Variants in SOX5 observed in about 807,000 individuals in gnomAD.
SOX5 encodes SRY-box transcription factor 5.
In SOX5, 9 loss-of-function variants were observed where a neutral mutation model predicts 92.0. That is an observed-to-expected ratio of 0.10 (90% CI 0.06 to 0.17). SOX5 has a LOEUF of 0.17. Ranked by LOEUF, SOX5 falls within the 10% of genes least tolerant of loss-of-function variation. The pLI, the probability that SOX5 is intolerant of heterozygous loss-of-function variation, is 1.00. For synonymous variants in SOX5, 344 were observed against 336.3 expected, an observed-to-expected ratio of 1.02 and a Z score of -0.25; for missense variants, 642 against 944.5, an observed-to-expected ratio of 0.68 and a Z score of 4.20.
chr12:23,823,707 T>A (rs2096172402), intron 3 of SOX5, among the ~76,000 whole-genome samples: 1 of 152,212 alleles, frequency 6.6e-6, no homozygotes, highest in Non-Finnish European at 1.5e-5. Flanking sequence ...TCCTGAAATG[T>A]GTTTTTCAAT....
intron 4 of SOX5, among the ~76,000 whole-genome samples, chr12:24,068,704 G>GTGTATATATATA (rs1444359956): frequency 8.1e-5 from 6 of 74,324 alleles, no homozygotes; most frequent in Non-Finnish European, 9.7e-5. Context: ...GTGTGTGTGT[G>GTGTATATATATA]TATATATATA....
At chr12:24,406,303 G>C (rs375355004) in intron 1 of SOX5, among the ~76,000 whole-genome samples, 1 of 152,134 alleles carries the variant, frequency 6.6e-6, no homozygotes, top group Admixed American at 6.6e-5. Flanking sequence ...GAGAAGCCCT[G>C]CCCAAGTCAG....
chr12:24,095,120 C>CAG (rs1442826677), intron 4 of SOX5, among the ~76,000 whole-genome samples: 42 of 102,156 alleles, frequency 4.1e-4, no homozygotes, highest in East Asian at 2.3e-3. Context: ...CACACACACA[C>CAG]ACACACACAG....
intron 3 of SOX5, among the ~76,000 whole-genome samples, chr12:23,824,409 T>C (rs895826200): frequency 1.3e-5 from 2 of 152,152 alleles, no homozygotes; most frequent in Non-Finnish European, 2.9e-5. Context: ...TTGCTGGGGG[T>C]CCACTCCAGA....
rs114604122 is a variant in SOX5 at position 24,096,082 on chromosome 12, T to C, written c.-2+117261A>G. On this transcript the variant is annotated intron_variant, in intron 4 of 4. Transcript: ENST00000446891. The stretch of plus-strand genomic sequence containing the variant: ...TGTGCTCATTTTTACTATTAACTTT[T>C]ACTTTTTGTTTTTTCATTCATCATG... Among the ~76,000 whole-genome samples the C allele has an allele frequency of 3.2e-3, 485 of 152,278 alleles. 1 individual carries two copies. The highest frequency in any genetic ancestry group is 0.011 in the African/African-American group (475 of 41,518).
chr12:23,759,684 G>A (rs1321612763), intron 3 of SOX5, among the ~76,000 whole-genome samples: 1 of 152,066 alleles, frequency 6.6e-6, no homozygotes, highest in African/African-American at 2.4e-5. Flanking sequence ...GGACCAAATG[G>A]CAGAAGCCCA....
intron 2 of SOX5, among the ~76,000 whole-genome samples, chr12:24,366,900 AAGAC>A (rs1483467737): frequency 2.0e-5 from 3 of 152,280 alleles, no homozygotes; most frequent in African/African-American, 4.8e-5. Flanking sequence ...AGTGGAGAAA[AAGAC>A]AGAGAGAAAG....
chr12:23,860,260 T>C (rs2096740040), intron 2 of SOX5, among the ~76,000 whole-genome samples: 1 of 151,452 alleles, frequency 6.6e-6, no homozygotes, highest in Admixed American at 6.6e-5. Flanking sequence ...TGTGTTTATC[T>C]GTGTAACAAA....
At chr12:24,277,172 T>A (rs1218181044) in intron 3 of SOX5, 1 of 151,846 alleles carries the variant, frequency 6.6e-6, no homozygotes, top group East Asian at 1.9e-4. Flanking sequence ...AATAGAATAG[T>A]TATCAATTTT....
chr12:24,311,741 G>A (rs994089215), intron 2 of SOX5, among the ~76,000 whole-genome samples: 2 of 152,130 alleles, frequency 1.3e-5, no homozygotes, highest in Admixed American at 6.6e-5. Flanking sequence ...AAGCTGAAAA[G>A]GTTCCCATCA....
intron 4 of SOX5, among the ~76,000 whole-genome samples, chr12:24,111,042 G>A (rs1176609694): frequency 6.6e-6 from 1 of 151,848 alleles, no homozygotes; most frequent in African/African-American, 2.4e-5. Flanking sequence ...TACTGTGGGA[G>A]ACTGTGATAT....
At chr12:23,611,363 TGTGTGC>T (rs1405216014) in intron 8 of SOX5, among the ~76,000 whole-genome samples, 2 of 127,940 alleles carry the variant, frequency 1.6e-5, no homozygotes, top group Non-Finnish European at 3.4e-5. Flanking sequence ...CGTGTGTGTG[TGTGTGC>T]GTGTGTGTGT....
chr12:23,578,039 T>C (rs949616138), intron 9 of SOX5, among the ~76,000 whole-genome samples: 3 of 136,168 alleles, frequency 2.2e-5, no homozygotes, highest in Non-Finnish European at 3.0e-5. Context: ...GAGAATCACC[T>C]GAACCCGGGA....
chr12:24,028,714 A>T (rs1229199759), intron 4 of SOX5, among the ~76,000 whole-genome samples: 2 of 152,032 alleles, frequency 1.3e-5, no homozygotes, highest in Admixed American at 1.3e-4. Flanking sequence ...AGAGCCTTAA[A>T]TGAATAATAA....
intron 4 of SOX5, among the ~76,000 whole-genome samples, chr12:24,148,297 C>A (rs1276143273): frequency 6.6e-6 from 1 of 151,812 alleles, no homozygotes; most frequent in African/African-American, 2.4e-5. Flanking sequence ...GAGTTCAATA[C>A]CAGCCTGAAC....
At chr12:23,809,743 C>G (rs1305189810) in intron 3 of SOX5, among the ~76,000 whole-genome samples, 3 of 142,240 alleles carry the variant, frequency 2.1e-5, no homozygotes, top group Non-Finnish European at 1.5e-5. Flanking sequence ...ATGGTTACAT[C>G]AGTGACAAAT....
At chr12:24,285,746 C>T (rs1945792280) in intron 2 of SOX5, among the ~76,000 whole-genome samples, 1 of 152,118 alleles carries the variant, frequency 6.6e-6, no homozygotes, top group Non-Finnish European at 1.5e-5. Context: ...GGAATAAACA[C>T]ACACACATCA....
rs1023542706 is a variant in SOX5, at chr12:23,743,457, A to C, written c.569-2418T>G. Among the ~76,000 whole-genome samples the C allele has an allele frequency of 7.9e-5, 12 of 151,992 alleles. No homozygotes were observed. In the East Asian group the frequency reaches 2.3e-3, roughly 29 times the overall value. ...CCTGAGTAGCTGGGATTACAGGCGC[A>C]TGCCACCATGCCTGGCTAATTTTTT... On this transcript the variant is annotated intron_variant, in intron 4 of 14. Coordinates refer to ENST00000451604, the MANE Select transcript of SOX5 (RefSeq NM_006940.6).
intron 6 of SOX5, among the ~76,000 whole-genome samples, chr12:23,680,325 C>CAAAAAAA (rs57754255): frequency 2.5e-4 from 12 of 48,376 alleles, no homozygotes; most frequent in African/African-American, 4.7e-4. Flanking sequence ...GACCTTGTCT[C>CAAAAAAA]AAAAAAAAAA....
Sources: gnomAD v4.1 joint callset for allele counts (sites outside exome capture counted in the v4.1 genomes callset) on GRCh38, gnomAD v4.1.1 for gene constraint, MANE v1.5 for transcripts, NCBI Gene and HGNC (gene_info 2026-07-23, HGNC 2026-07-21) for gene names.